Variants in ZNF609 observed in about 807,000 individuals in gnomAD.
ZNF609 encodes the protein zinc finger protein 609.
ZNF609 carries 11 observed loss-of-function variants against 109.5 expected under a neutral mutation model. The observed-to-expected ratio is 0.10, with a 90% CI of 0.06 to 0.17. The LOEUF is 0.17. Among genes scored for constraint, ZNF609 ranks in the 10% least tolerant of loss-of-function variants. The pLI, the probability that ZNF609 is intolerant of heterozygous loss-of-function variation, is 1.00. For synonymous variants in ZNF609, 646 were observed against 662.0 expected (o/e 0.98, Z 0.37); for missense variants, 1,559 against 1,772.4 (o/e 0.88, Z 2.16).
chr15:64,535,087 G>T (rs1894119136), intron 2 of ZNF609, among the ~76,000 whole-genome samples: 2 of 151,928 alleles, frequency 1.3e-5, no homozygotes, highest in African/African-American at 2.4e-5. Context: ...GTGAAACAGG[G>T]TCTCTGTCAC....
chr15:64,511,938 C>T (rs113426138), intron 2 of ZNF609, among the ~76,000 whole-genome samples: 3,165 of 151,892 alleles, frequency 0.021, 124 homozygotes, highest in African/African-American at 0.07. Context: ...TGGTCTTGAT[C>T]TCCTGACCTC....
At chr15:64,516,438 C>G (rs1893811215) in intron 2 of ZNF609, among the ~76,000 whole-genome samples, 1 of 152,126 alleles carries the variant, frequency 6.6e-6, no homozygotes, top group African/African-American at 2.4e-5. Context: ...ATGGCACGAT[C>G]TCGTCTCACT....
intron 3 of ZNF609, among the ~76,000 whole-genome samples, chr15:64,646,174 A>G (rs1896330847): frequency 6.6e-6 from 1 of 152,252 alleles, no homozygotes; most frequent in South Asian, 2.1e-4. Flanking sequence ...TGGTATAGCC[A>G]TACAATGGAA....
In ZNF609 at chr15:64,681,337, C is replaced by T. The variant is rs1441759392; in HGVS notation, c.4191C>T (p.Ser1397=). ...AGLSSTAIVA[S]QQGSTPSLYP... ...TTTCTTCTACAGCCATTGTTGCCAG[C>T]CAACAAGGCTCAACTCCCTCACTCT... Residue 1397 remains serine (S), a synonymous_variant, in exon 9 of 10, where the codon AGC becomes AGT. Coordinates refer to ENST00000326648, the MANE Select transcript of ZNF609 (RefSeq NM_015042.2). The T allele has an allele frequency of 2.5e-6, 4 of 1,613,932 alleles. No individual in the cohort carries two copies. The highest frequency in any genetic ancestry group is 2.2e-5 in the East Asian group (1 of 44,894).
chr15:64,561,552 C>CTT (rs771022478), intron 2 of ZNF609, among the ~76,000 whole-genome samples: 15 of 129,896 alleles, frequency 1.2e-4, no homozygotes, highest in East Asian at 4.5e-4. Flanking sequence ...TTTTCTTTTT[C>CTT]TTTTTTTTTT....
intron 2 of ZNF609, among the ~76,000 whole-genome samples, chr15:64,514,353 T>C (rs1187715862): frequency 6.6e-6 from 1 of 152,210 alleles, no homozygotes; most frequent in Non-Finnish European, 1.5e-5. Context: ...GGAATGAATA[T>C]AGCTTAATGT....
chr15:64,670,930 C>CCGG (rs1896717169), intron 4 of ZNF609, among the ~76,000 whole-genome samples: 1 of 149,344 alleles, frequency 6.7e-6, no homozygotes, highest in South Asian at 2.1e-4. Context: ...GTTCGGGGGG[C>CCGG]CGGGTACGGT....
chr15:64,645,091 C>CTCCT (rs1470674070), intron 3 of ZNF609, among the ~76,000 whole-genome samples: 13 of 59,064 alleles, frequency 2.2e-4, no homozygotes, highest in Admixed American at 1.1e-3. Context: ...CTTTCCCTCC[C>CTCCT]TCCCTCCCTC....
intron 1 of ZNF609, among the ~76,000 whole-genome samples, chr15:64,475,507 G>A (rs1025025360): frequency 3.4e-5 from 5 of 147,820 alleles, no homozygotes; most frequent in Non-Finnish European, 5.9e-5. Context: ...TCCTGCCTCA[G>A]CCTCCCGAGT....
rs1440911084 is a variant in ZNF609 at position 64,673,898 on chromosome 15, T to C, written c.1062-18T>C. 11 of 1,601,282 alleles carry C rather than the reference T, an allele frequency of 6.9e-6. No homozygotes were observed. The highest frequency in any genetic ancestry group is 6.7e-5 in the South Asian group (6 of 89,564). Reference sequence around the variant, plus strand: ...TTCTCTTCTTAATAATATTCTGTTGTGTTTATCCTTTGCCAAGGTTCTGTG... The same window carrying C: ...TTCTCTTCTTAATAATATTCTGTTGCGTTTATCCTTTGCCAAGGTTCTGTG... On this transcript the variant is annotated intron_variant, in intron 4 of 9. Transcript: ENST00000326648.
chr15:64,570,163 C>T (rs915061849), intron 2 of ZNF609, among the ~76,000 whole-genome samples: 7 of 152,240 alleles, frequency 4.6e-5, no homozygotes, highest in South Asian at 2.1e-4. Context: ...CCTGACTGGC[C>T]GAGAGCTCTC....
At position 64,625,934 on chromosome 15, in the gene ZNF609, TATAGAG is replaced by T. The variant is rs1477448371; in HGVS notation, c.973+2884_973+2889del. Among the ~76,000 whole-genome samples, 464 of 71,026 alleles carry T rather than the reference TATAGAG, an allele frequency of 6.5e-3. 2 individuals are homozygous for T. The highest frequency in any genetic ancestry group is 0.017 in the Middle Eastern group (2 of 116). The allele number at this position is 71,026 out of a possible 152,430, so 46.6% of individuals were successfully genotyped here. A position where few individuals can be genotyped will look rare whatever the true frequency, so the allele number is the denominator to read the frequency against. On this transcript the variant is annotated intron_variant, in intron 3 of 9. Coordinates refer to ENST00000326648, the MANE Select transcript of ZNF609 (RefSeq NM_015042.2). ...AAAAAAATATATATATATATATATA[TATAGAG>T]AGAGAGAGAGAGAGAGAGAGAGAGA...
At chr15:64,512,454 G>C (rs1893746571) in intron 2 of ZNF609, among the ~76,000 whole-genome samples, 1 of 152,028 alleles carries the variant, frequency 6.6e-6, no homozygotes, top group Admixed American at 6.6e-5. Context: ...ATGTATTTCT[G>C]TGCTTATATT....
chr15:64,507,889 A>G (rs1183828800), intron 2 of ZNF609, among the ~76,000 whole-genome samples: 2 of 152,272 alleles, frequency 1.3e-5, no homozygotes, highest in African/African-American at 2.4e-5. Flanking sequence ...TAATATTTTA[A>G]AATATATTTC....
At chr15:64,621,466 C>T (rs1320175082) in intron 2 of ZNF609, among the ~76,000 whole-genome samples, 2 of 152,140 alleles carry the variant, frequency 1.3e-5, no homozygotes, top group East Asian at 3.8e-4. Flanking sequence ...CCTCCCACCT[C>T]CGCTTCTGGA....
chr15:64,647,971 T>C (rs1896359321), intron 3 of ZNF609, among the ~76,000 whole-genome samples: 2 of 152,220 alleles, frequency 1.3e-5, no homozygotes, highest in South Asian at 4.1e-4. Flanking sequence ...GTATGTAGCT[T>C]TATTGCTGCA....
chr15:64,657,368 C>T (rs1003133381), intron 3 of ZNF609, among the ~76,000 whole-genome samples: 4 of 152,082 alleles, frequency 2.6e-5, no homozygotes, highest in African/African-American at 7.2e-5. Flanking sequence ...GTAATCCCAG[C>T]ACTTTGGGAG....
chr15:64,520,288 A>G (rs1198067547), intron 2 of ZNF609, among the ~76,000 whole-genome samples: 1 of 152,142 alleles, frequency 6.6e-6, no homozygotes, highest in Non-Finnish European at 1.5e-5. Context: ...CACAGCATCC[A>G]TACCTTTATC....
In ZNF609 at chr15:64,640,225, G is replaced by A. The variant is rs572353554; in HGVS notation, c.973+17173G>A. On this transcript the variant is annotated intron_variant, in intron 3 of 9. Transcript: ENST00000326648. ...CTTATTTTATTTTACTTTTTGTAGAGCTGAAATCTCACTTTGTTGCCCTGG... is the reference window on the plus strand; with the variant it reads ...CTTATTTTATTTTACTTTTTGTAGAACTGAAATCTCACTTTGTTGCCCTGG... 9.2e-5 allele frequency among the ~76,000 whole-genome samples: 14 copies of A among 152,072 alleles called. No individual in the cohort carries two copies. The South Asian group carries it at 2.9e-3, about 32-fold the overall frequency.
Sources: gnomAD v4.1 joint callset for allele counts (sites outside exome capture counted in the v4.1 genomes callset) on GRCh38, gnomAD v4.1.1 for gene constraint, MANE v1.5 for transcripts, NCBI Gene and HGNC (gene_info 2026-07-23, HGNC 2026-07-21) for gene names.